The following UBE2D3 variants were observed in gnomAD, a reference collection of about 807,000 sequenced individuals.
The protein encoded by UBE2D3 is ubiquitin conjugating enzyme E2 D3, also known as ubiquitin-conjugating enzyme E2 D3.
UBE2D3 carries 2 observed loss-of-function variants against 22.8 expected under a neutral mutation model. The ratio of observed to expected loss-of-function variants is 0.09; its 90% CI spans 0.04 to 0.28. The LOEUF is 0.28. UBE2D3 is among the 10% of genes least tolerant of loss of function. The pLI is 1.00. For synonymous variants in UBE2D3, 56 were observed against 60.4 expected, an observed-to-expected ratio of 0.93 and a Z score of 0.34; for missense variants, 27 against 182.5, an observed-to-expected ratio of 0.15 and a Z score of 4.91.
intron 6 of UBE2D3, 149 bp downstream of exon 6, chr4:102,801,305 C>A: frequency 3.2e-6 from 2 of 618,426 alleles, no homozygotes; most frequent in South Asian, 2.6e-5. Flanking sequence ...TAATCAACAC[C>A]ACTAAAAGAA....
upstream of UBE2D3, among the ~76,000 whole-genome samples, chr4:102,829,497 AAAGT>A (rs141024509): frequency 0.011 from 1,609 of 152,328 alleles, 22 homozygotes; most frequent in African/African-American, 0.036. Flanking sequence ...CTTCACCGCT[AAAGT>A]AAGTAATAAT....
At chr4:102,832,092 T>G (rs577427826), upstream of UBE2D3, among the ~76,000 whole-genome samples, 6 of 152,242 alleles carry the variant, frequency 3.9e-5, no homozygotes, top group East Asian at 1.2e-3. Flanking sequence ...GCACTATTAA[T>G]GTACTGAACT....
At chr4:102,802,311 C>A in intron 5 of UBE2D3, 1 of 298,978 alleles carries the variant, frequency 3.3e-6, no homozygotes, top group Non-Finnish European at 6.1e-6. Flanking sequence ...AACAATAATA[C>A]AGATGAGGGC....
chr4:102,858,511 C>T lies in UBE2D3; in HGVS notation c.-129+10204G>A, dbSNP rs935956335. ...TTCACAAGAAATAGGTTTGGCATCTCTAGGAGTATCAAATGAAGATGTTCA... is the reference window on the plus strand; with the variant it reads ...TTCACAAGAAATAGGTTTGGCATCTTTAGGAGTATCAAATGAAGATGTTCA... On this transcript the variant is annotated intron_variant, in intron 1 of 7. Coordinates refer to the UBE2D3 transcript ENST00000338145. Among the ~76,000 whole-genome samples the T allele has an allele frequency of 4.6e-5, 7 of 151,818 alleles. No individual in the cohort carries two copies. The East Asian group carries it at 9.7e-4, about 21-fold the overall frequency.
chr4:102,802,816 C>T (rs1292081749), intron 4 of UBE2D3, 178 bp from the exon 5 acceptor site: 2 of 413,598 alleles, frequency 4.8e-6, no homozygotes, highest in Non-Finnish European at 8.5e-6. Flanking sequence ...AAAACTTATA[C>T]AGTAATAAAC....
chr4:102,849,602 A>G (rs1336825566), intron 1 of UBE2D3, among the ~76,000 whole-genome samples: 3 of 152,286 alleles, frequency 2.0e-5, no homozygotes, highest in South Asian at 2.1e-4. Context: ...CACTACAGAA[A>G]AGATCTCCAA....
Position 102,855,818 on chromosome 4 carries a change from T to C in UBE2D3, c.-129+12897A>G, listed in dbSNP as rs76178310. 3.5e-3 allele frequency among the ~76,000 whole-genome samples: 536 copies of C among 152,296 alleles called. 2 individuals carry two copies. The highest frequency in any genetic ancestry group is 0.01 in the African/African-American group (417 of 41,562). On this transcript the variant is annotated intron_variant, in intron 1 of 7. Coordinates refer to the UBE2D3 transcript ENST00000338145. ...TAAATAATTTTGTTCATGTGGGACA[T>C]GGCAAGGGGGACAGAGACAAAAAGA...
intron 7 of UBE2D3, 79 bp downstream of exon 7, chr4:102,799,328 C>T (rs1247592443): frequency 9.2e-7 from 1 of 1,092,550 alleles, no homozygotes; most frequent in African/African-American, 1.6e-5. Context: ...ATCAAGTCTT[C>T]TTGGCACTGT....
At chr4:102,848,162 G>A (rs374700389) in intron 1 of UBE2D3, among the ~76,000 whole-genome samples, 1 of 152,146 alleles carries the variant, frequency 6.6e-6, no homozygotes, top group African/African-American at 2.4e-5. Context: ...TTATCATGGT[G>A]ATACACTCCT....
chr4:102,846,006 G>T (rs58230455), intron 1 of UBE2D3, among the ~76,000 whole-genome samples: 166 of 152,240 alleles, frequency 1.1e-3, no homozygotes, highest in African/African-American at 3.9e-3. Context: ...GGCCAGGCTG[G>T]TCTCGGACTC....
At chr4:102,864,736 T>A (rs569938324) in intron 1 of UBE2D3, among the ~76,000 whole-genome samples, 1 of 152,196 alleles carries the variant, frequency 6.6e-6, no homozygotes, top group Non-Finnish European at 1.5e-5. Flanking sequence ...ACAATGCAAT[T>A]TGAAGAAAAC....
chr4:102,866,933 G>A (rs981160425), intron 1 of UBE2D3, among the ~76,000 whole-genome samples: 29 of 152,070 alleles, frequency 1.9e-4, no homozygotes, highest in Non-Finnish European at 1.8e-4. Context: ...ATAGTCCAGA[G>A]GACAAGGATA....
chr4:102,823,117 G>T (rs1160669644), intron 2 of UBE2D3, among the ~76,000 whole-genome samples: 4 of 152,158 alleles, frequency 2.6e-5, no homozygotes, highest in Non-Finnish European at 5.9e-5. Flanking sequence ...GATTAAATGA[G>T]TTAGGGTTTA....
Position 102,797,342 on chromosome 4 carries a change from A to C in UBE2D3, c.*73T>G, listed in dbSNP as rs938893620. On this transcript the variant is annotated 3_prime_UTR_variant, in exon 8 of 8. Transcript: ENST00000453744. ...TCTGATAGGGGAGCAGCCGGATAAG[A>C]AAATCAAAAAAGGAACAGTAATTTA... 2 of 1,368,064 alleles carry C rather than the reference A, an allele frequency of 1.5e-6. No individual in the cohort carries two copies. Among genetic ancestry groups the C allele is most frequent in the Admixed American group, 4.3e-5 (2 of 46,474 alleles). The allele number at this position is 1,368,064 out of a possible 1,614,324, so 84.7% of individuals were successfully genotyped here. A position where few individuals can be genotyped will look rare whatever the true frequency, so the allele number is the denominator to read the frequency against.
At chr4:102,860,165 G>T (rs1346149217) in intron 1 of UBE2D3, among the ~76,000 whole-genome samples, 2 of 148,166 alleles carry the variant, frequency 1.3e-5, no homozygotes, top group African/African-American at 2.4e-5. Flanking sequence ...ATTGTTTAGT[G>T]GTTTCTTTGT....
At chr4:102,851,221 A>C (rs1732330633) in intron 1 of UBE2D3, among the ~76,000 whole-genome samples, 1 of 152,218 alleles carries the variant, frequency 6.6e-6, no homozygotes, top group African/African-American at 2.4e-5. Context: ...TTATTTCCTT[A>C]CCCCTTGAAT....
At chr4:102,852,480 A>G (rs1264163881) in intron 1 of UBE2D3, among the ~76,000 whole-genome samples, 2 of 152,214 alleles carry the variant, frequency 1.3e-5, no homozygotes, top group African/African-American at 4.8e-5. Flanking sequence ...ATATGTAAAC[A>G]TCTCTATAGG....
intron 4 of UBE2D3, among the ~76,000 whole-genome samples, chr4:102,808,082 C>CA (rs781062367): frequency 3.3e-5 from 5 of 152,090 alleles, no homozygotes; most frequent in African/African-American, 4.8e-5. Flanking sequence ...ACTGGTAATC[C>CA]AAAATGGGAA....
intron 4 of UBE2D3, among the ~76,000 whole-genome samples, chr4:102,807,325 G>A (rs1045439730): frequency 1.3e-5 from 2 of 152,118 alleles, no homozygotes; most frequent in African/African-American, 2.4e-5. Flanking sequence ...AAAATGAGTT[G>A]TTTCATTGGT....
Sources: allele counts gnomAD v4.1 joint callset (sites outside exome capture counted in the v4.1 genomes callset), GRCh38; gene constraint gnomAD v4.1.1; transcripts MANE v1.5; gene names NCBI Gene and HGNC (gene_info 2026-07-23, HGNC 2026-07-21).